The following HS3ST5 variants were observed in gnomAD, a reference collection of about 807,000 sequenced individuals.
HS3ST5 encodes the protein heparan sulfate glucosamine 3-O-sulfotransferase 5.
Under a neutral mutation model 25.4 loss-of-function variants are expected in HS3ST5, and 10 were observed. The ratio of observed to expected loss-of-function variants is 0.39; its 90% CI spans 0.24 to 0.67. The LOEUF (loss-of-function observed/expected upper bound fraction) is 0.67, where lower values mean the gene tolerates loss of function less well. Ranked by LOEUF, HS3ST5 falls within the 30% of genes least tolerant of loss-of-function variation. The pLI is 0.44. For synonymous variants in HS3ST5, 170 were observed against 162.4 expected (o/e 1.05, Z -0.36); for missense variants, 324 against 420.7 (o/e 0.77, Z 2.01).
chr6:114,142,603 T>C (rs992547815), intron 3 of HS3ST5, among the ~76,000 whole-genome samples: 8 of 152,218 alleles, frequency 5.3e-5, no homozygotes, highest in Non-Finnish European at 8.8e-5. Context: ...ATATAATCAA[T>C]AGATATAATC....
intron 3 of HS3ST5, among the ~76,000 whole-genome samples, chr6:114,141,737 G>T (rs548931678): frequency 3.2e-4 from 49 of 152,336 alleles, no homozygotes; most frequent in African/African-American, 1.1e-3. Context: ...AGGCGAGGCT[G>T]AGAAGGTGAG....
chr6:114,099,823 C>G (rs2114817604), intron 3 of HS3ST5, among the ~76,000 whole-genome samples: 1 of 152,244 alleles, frequency 6.6e-6, no homozygotes, highest in South Asian at 2.1e-4. Context: ...CTTACCTAGG[C>G]AGCTGAAATC....
intron 3 of HS3ST5, 149 bp from the exon 4 acceptor site, chr6:114,063,026 A>G (rs1312914064): frequency 5.4e-6 from 3 of 557,654 alleles, no homozygotes; most frequent in African/African-American, 3.8e-5. Flanking sequence ...TGTAACAGGT[A>G]CTTAGCAAAA....
intron 1 of HS3ST5, among the ~76,000 whole-genome samples, chr6:114,296,125 A>T (rs1250862139): frequency 2.0e-5 from 3 of 152,140 alleles, no homozygotes; most frequent in Non-Finnish European, 2.9e-5. Flanking sequence ...TGAGTGCAAA[A>T]ATAGCAGAAG....
chr6:114,148,852 G>A (rs948160838), intron 3 of HS3ST5, among the ~76,000 whole-genome samples: 8 of 152,152 alleles, frequency 5.3e-5, no homozygotes, highest in East Asian at 1.9e-4. Context: ...TCTGACAGTC[G>A]TAATATCCAG....
At chr6:114,319,194 T>C (rs1006450735) in intron 1 of HS3ST5, among the ~76,000 whole-genome samples, 5 of 152,182 alleles carry the variant, frequency 3.3e-5, no homozygotes, top group African/African-American at 4.8e-5. Flanking sequence ...AATATAAGAA[T>C]TCAGAATGTT....
intron 2 of HS3ST5, among the ~76,000 whole-genome samples, chr6:114,218,806 C>T (rs1781891761): frequency 6.6e-6 from 1 of 152,088 alleles, no homozygotes; most frequent in Non-Finnish European, 1.5e-5. Context: ...ATGAATAAAA[C>T]TTTTTAAATC....
At position 114,218,592 on chromosome 6, in the gene HS3ST5, A is replaced by G. The variant is rs890631027; in HGVS notation, c.-145+9993T>C. Among the ~76,000 whole-genome samples, 7 of 152,322 alleles carry G rather than the reference A, an allele frequency of 4.6e-5. No homozygotes were observed. In the East Asian group the frequency reaches 1.4e-3, roughly 29 times the overall value. On this transcript the variant is annotated intron_variant, in intron 2 of 4. Transcript: ENST00000312719. Reference sequence around the variant, plus strand: ...GTAGGTGCGAGGTTTCGAAGGAATGATGTGGTTTTATGATGAGCTGGGAGT... The same window carrying G: ...GTAGGTGCGAGGTTTCGAAGGAATGGTGTGGTTTTATGATGAGCTGGGAGT...
chr6:114,323,151 C>T (rs1379193284), intron 1 of HS3ST5, among the ~76,000 whole-genome samples: 1 of 152,066 alleles, frequency 6.6e-6, no homozygotes, highest in Non-Finnish European at 1.5e-5. Flanking sequence ...CATAATGTAG[C>T]CTATTGCCAA....
intron 3 of HS3ST5, among the ~76,000 whole-genome samples, chr6:114,099,818 C>T (rs1775633030): frequency 6.6e-6 from 1 of 152,086 alleles, no homozygotes; most frequent in Admixed American, 6.6e-5. Flanking sequence ...GCAGCCTTAC[C>T]TAGGCAGCTG....
chr6:114,116,026 A>G (rs191387195), intron 3 of HS3ST5: 17 of 152,178 alleles, frequency 1.1e-4, no homozygotes, highest in African/African-American at 2.2e-4. Context: ...TTTTTGCTCT[A>G]TTCTCCAAAC....
At chr6:114,171,147 T>C (rs773402890) in intron 2 of HS3ST5, among the ~76,000 whole-genome samples, 5 of 152,180 alleles carry the variant, frequency 3.3e-5, no homozygotes, top group Non-Finnish European at 5.9e-5. Flanking sequence ...AAGGATATGA[T>C]TGTTTAAACT....
chr6:114,259,475 T>A (rs1773073521), intron 1 of HS3ST5, among the ~76,000 whole-genome samples: 1 of 152,210 alleles, frequency 6.6e-6, no homozygotes, highest in Non-Finnish European at 1.5e-5. Context: ...TCTCCACAGA[T>A]CATCCTGTTT....
intron 3 of HS3ST5, among the ~76,000 whole-genome samples, chr6:114,110,468 G>C (rs1360392522): frequency 9.2e-5 from 14 of 152,164 alleles, no homozygotes; most frequent in Admixed American, 9.2e-4. Context: ...GATGAGAAGA[G>C]CCATGTAAGA....
At chr6:114,133,193 G>A (rs1175196474) in intron 3 of HS3ST5, among the ~76,000 whole-genome samples, 2 of 152,146 alleles carry the variant, frequency 1.3e-5, no homozygotes, top group Non-Finnish European at 2.9e-5. Context: ...GGATGACAAT[G>A]GGCCTGGTTC....
At chr6:114,246,163 A>G (rs1359444939) in intron 1 of HS3ST5, among the ~76,000 whole-genome samples, 1 of 152,232 alleles carries the variant, frequency 6.6e-6, no homozygotes, top group East Asian at 1.9e-4. Flanking sequence ...TTCTCTGTGA[A>G]TAAAACATCT....
At chr6:114,118,170 C>T (rs1292830348) in intron 3 of HS3ST5, among the ~76,000 whole-genome samples, 1 of 152,120 alleles carries the variant, frequency 6.6e-6, no homozygotes, top group Non-Finnish European at 1.5e-5. Context: ...ATTTACCAGT[C>T]CTCAAGGCAG....
intron 3 of HS3ST5, among the ~76,000 whole-genome samples, chr6:114,078,213 CT>C (rs939278450): frequency 6.6e-6 from 1 of 151,022 alleles, no homozygotes; most frequent in African/African-American, 2.4e-5. Context: ...TTTTCTTTTT[CT>C]TTTTTTTTCT....
intron 3 of HS3ST5, among the ~76,000 whole-genome samples, chr6:114,151,835 T>C (rs1778464197): frequency 6.6e-6 from 1 of 152,256 alleles, no homozygotes; most frequent in African/African-American, 2.4e-5. Flanking sequence ...TTCAAGGTCA[T>C]TATTTTTCAA....
Sources: allele counts gnomAD v4.1 joint callset (sites outside exome capture counted in the v4.1 genomes callset), GRCh38; gene constraint gnomAD v4.1.1; transcripts MANE v1.5; gene names NCBI Gene and HGNC (gene_info 2026-07-23, HGNC 2026-07-21).